ARHGEF40: variants seen among roughly 807,000 people sequenced by gnomAD.
ARHGEF40 encodes Rho guanine nucleotide exchange factor (GEF) 40.
A neutral mutation model predicts 165.9 loss-of-function variants in ARHGEF40; 98 were observed. The observed-to-expected ratio is 0.59, with a 90% CI of 0.50 to 0.70. The LOEUF (loss-of-function observed/expected upper bound fraction) is 0.70. Ranked by LOEUF, ARHGEF40 falls within the 30% of genes least tolerant of loss-of-function variation. ARHGEF40 has a pLI of 0.00. For missense variants in ARHGEF40, 1,815 were observed against 1,968.0 expected (o/e 0.92, Z 1.47); for synonymous variants, 792 against 814.3 (o/e 0.97, Z 0.47).
In ARHGEF40 at chr14:21,070,999, G is replaced by T. The variant is rs942941762; in HGVS notation, c.3+600G>T. On this transcript the variant is annotated intron_variant, in intron 1 of 23. Coordinates refer to ENST00000298694, the MANE Select transcript of ARHGEF40 (RefSeq NM_018071.5). The surrounding 1 kb of genome is among the most constrained non-coding windows in gnomAD (Gnocchi z 4.7). ...GCCTCAGGATAGTTGGGGGTGCTTG[G>T]GGGGGAGCTCACAGTACCAGGGGGC... 1.7e-5 allele frequency: 14 copies of T among 825,450 alleles called. No homozygotes were observed. Among genetic ancestry groups the T allele is most frequent in the South Asian group, 6.4e-5 (4 of 62,726 alleles). The allele number at this position is 825,450 out of a possible 1,614,324, so 51.1% of individuals were successfully genotyped here. A position where few individuals can be genotyped will look rare whatever the true frequency, so the allele number is the denominator to read the frequency against.
the ARHGEF40 span, among the ~76,000 whole-genome samples, chr14:21,064,820 C>G: frequency 1.3e-5 from 2 of 152,216 alleles, no homozygotes; most frequent in Admixed American, 1.3e-4. Flanking sequence ...TTCCTCCAGA[C>G]TCTTCTACTA....
At position 21,076,854 on chromosome 14, in the gene ARHGEF40, G is replaced by A; in HGVS notation, c.1998G>A (p.Arg666=). ...TGCAGTGGGAGTTAGGAGGTCACAGGGACCCCTCTCCCAGTCACTGGGTAG... is the reference window on the plus strand; with the variant it reads ...TGCAGTGGGAGTTAGGAGGTCACAGAGACCCCTCTCCCAGTCACTGGGTAG... The part of the protein sequence containing the change: ...EELQWELGGH[R]DPSPSHWVEI... Residue 666 remains arginine (R), a synonymous_variant, in exon 8 of 24, where the codon AGG becomes AGA. Transcript: ENST00000298694. The A allele has an allele frequency of 1.2e-6, 2 of 1,613,628 alleles. No individual in the cohort carries two copies. Among genetic ancestry groups the A allele is most frequent in the African/African-American group, 1.3e-5 (1 of 74,976 alleles).
At position 21,089,145 on chromosome 14, in the gene ARHGEF40, C is replaced by T. The variant is rs1034033327; in HGVS notation, c.*137C>T. The T allele has an allele frequency of 2.1e-5, 9 of 435,570 alleles. No homozygotes were observed. The highest frequency in any genetic ancestry group is 6.0e-4 in the Middle Eastern group (1 of 1,668). The allele number at this position is 435,570 out of a possible 1,614,324, so 27.0% of individuals were successfully genotyped here. A position where few individuals can be genotyped will look rare whatever the true frequency, so the allele number is the denominator to read the frequency against. ...CTTCCTGGACACAGAGGAGGTCTAA[C>T]GACCAGAGTATTGCCCTGCCACCAC... On this transcript the variant is annotated 3_prime_UTR_variant, in exon 24 of 24. Transcript: ENST00000298694.
chr14:21,068,925 G>C (rs1215754561), upstream of ARHGEF40, among the ~76,000 whole-genome samples: 1 of 152,228 alleles, frequency 6.6e-6, no homozygotes, highest in Admixed American at 6.5e-5. Context: ...TCACCTTGGC[G>C]GCACCCCCGC....
At chr14:21,078,094 T>A in intron 8 of ARHGEF40, 83 bp from the exon 9 acceptor site, 1 of 1,275,238 alleles carries the variant, frequency 7.8e-7, no homozygotes, top group Non-Finnish European at 1.1e-6. Flanking sequence ...TAAAAGTCTC[T>A]GGGGCTACCG....
In ARHGEF40 at chr14:21,088,823, C is replaced by A. The variant is rs1161535733; in HGVS notation, c.4519-7C>A. On this transcript the variant is annotated splice_region_variant and splice_polypyrimidine_tract_variant and intron_variant, in intron 22 of 23. Transcript: ENST00000298694. Reference sequence around the variant, plus strand: ...CCCTAAATTCACTGTAGCTTCTCTCCCCCCAGAGTCATGCTCGAGCCCTGA... The same window carrying A: ...CCCTAAATTCACTGTAGCTTCTCTCACCCCAGAGTCATGCTCGAGCCCTGA... 1.9e-6 allele frequency: 3 copies of A among 1,608,246 alleles called. No homozygotes were observed. Among genetic ancestry groups the A allele is most frequent in the Non-Finnish European group, 2.5e-6 (3 of 1,176,548 alleles).
At chr14:21,085,492 G>C (rs1177827360) in intron 18 of ARHGEF40, among the ~76,000 whole-genome samples, 197 bp from the exon 19 acceptor site, 1 of 152,256 alleles carries the variant, frequency 6.6e-6, no homozygotes, top group Non-Finnish European at 1.5e-5. Context: ...GTTGCTTCAT[G>C]TTTCTGGCCT....
In ARHGEF40 at chr14:21,080,783, G is replaced by C; in HGVS notation, c.2496+1G>C. On this transcript the variant is annotated splice_donor_variant, in intron 12 of 23. Coordinates refer to ENST00000298694, the MANE Select transcript of ARHGEF40 (RefSeq NM_018071.5). LOFTEE classifies it high-confidence loss of function. The stretch of plus-strand genomic sequence containing the variant: ...CCGTGCTTTCAGCGCTGAGGTCCAG[G>C]TGAGAAGGGGCTGGAGGGCAGGTGA... The C allele has an allele frequency of 6.2e-7, 1 of 1,605,806 alleles. No homozygotes were observed. Among genetic ancestry groups the C allele is most frequent in the South Asian group, 1.1e-5 (1 of 90,086 alleles).
chr14:21,070,665 A>C lies in ARHGEF40; in HGVS notation c.3+266A>C, dbSNP rs1886693817. Among the ~76,000 whole-genome samples the C allele has an allele frequency of 6.8e-6, 1 of 146,432 alleles. No individual in the cohort carries two copies. Among genetic ancestry groups the C allele is most frequent in the Non-Finnish European group, 1.5e-5 (1 of 66,368 alleles). Reference sequence around the variant, plus strand: ...CCCTTGGGTCTCTCCCCTAATCCACACACCTCCCCGCTCCCCGCCCTCCTC... The same window carrying C: ...CCCTTGGGTCTCTCCCCTAATCCACCCACCTCCCCGCTCCCCGCCCTCCTC... On this transcript the variant is annotated intron_variant, in intron 1 of 23. Coordinates refer to ENST00000298694, the MANE Select transcript of ARHGEF40 (RefSeq NM_018071.5). The surrounding 1 kb of genome is among the most constrained non-coding windows in gnomAD (Gnocchi z 4.7).
intron 5 of ARHGEF40, 23 bp from the exon 6 acceptor site, chr14:21,076,337 C>T (rs200187872): frequency 2.7e-4 from 436 of 1,607,282 alleles, no homozygotes; most frequent in Non-Finnish European, 3.4e-4. Flanking sequence ...CAGCAGCCTC[C>T]TTGGCTCTTC....
chr14:21,076,689 G>A (rs756602113), intron 7 of ARHGEF40, 46 bp downstream of exon 7: 2 of 1,594,742 alleles, frequency 1.3e-6, no homozygotes, highest in Admixed American at 3.3e-5. Context: ...GTAGTGGGGA[G>A]AGGAGAAGAG....
At chr14:21,069,843 G>A (rs893978861), upstream of ARHGEF40, among the ~76,000 whole-genome samples, 4 of 152,254 alleles carry the variant, frequency 2.6e-5, no homozygotes, top group African/African-American at 9.6e-5. Flanking sequence ...GAGAGAAGAG[G>A]ATCCCGGGCG....
At chr14:21,064,836 A>C in the ARHGEF40 span, among the ~76,000 whole-genome samples, 1 of 152,188 alleles carries the variant, frequency 6.6e-6, no homozygotes. Context: ...TACTACAATA[A>C]GCCTACATCT....
rs563198829 is a variant in ARHGEF40, at chr14:21,089,818, T to A, written c.*810T>A. The A allele has an allele frequency of 3.8e-5, 6 of 156,554 alleles. No individual in the cohort carries two copies. The highest frequency in any genetic ancestry group is 1.4e-4 in the African/African-American group (6 of 41,604). The allele number at this position is 156,554 out of a possible 1,614,324, so 9.7% of individuals were successfully genotyped here. On this transcript the variant is annotated 3_prime_UTR_variant, in exon 24 of 24. Coordinates refer to ENST00000298694, the MANE Select transcript of ARHGEF40 (RefSeq NM_018071.5). ...GAGGCTGAACTGGTCACAGACAAAC[T>A]GGGATCCAGCACAGTCCAGCAGTTC...
chr14:21,084,838 T>C lies in ARHGEF40; in HGVS notation c.3875T>C (p.Phe1292Ser). ...CGAAAGAAGTGCCTTCGCCATGTCT[T>C]TCTCTTCGAGCATCTCCTCCTGTTC... Reference protein sequence around the residue: ...CGRKKCLRHVFLFEHLLLFSK... With the variant: ...CGRKKCLRHVSLFEHLLLFSK... Residue 1292 changes from phenylalanine to serine, a missense_variant, in exon 18 of 24, where the codon TTT (phenylalanine) becomes TCT (serine). Phe to Ser is a radical substitution (Grantham distance 155). Transcript: ENST00000298694. 6.2e-7 allele frequency: 1 copy of C among 1,614,236 alleles called. No homozygotes were observed. Among genetic ancestry groups the C allele is most frequent in the Non-Finnish European group, 8.5e-7 (1 of 1,180,036 alleles).
In ARHGEF40 at chr14:21,081,596, C is replaced by T. The variant is rs1214802711; in HGVS notation, c.2728C>T (p.Arg910Trp). The change falls in exon 14 of 24, where the codon CGG (arginine) becomes TGG (tryptophan). Residue 910 changes from arginine (R) to tryptophan (W), a missense_variant. Coordinates refer to ENST00000298694, the MANE Select transcript of ARHGEF40 (RefSeq NM_018071.5). Reference sequence around the variant, plus strand: ...TGTGCTGGCTGCACTGGCCCTGCGGCGGGCCCCAGAGCCCAGTGCCGGCAC... The same window carrying T: ...TGTGCTGGCTGCACTGGCCCTGCGGTGGGCCCCAGAGCCCAGTGCCGGCAC... The part of the protein sequence containing the change: ...EAVLAALALR[R>W]APEPSAGTFQ... 5 of 1,611,502 alleles carry T rather than the reference C, an allele frequency of 3.1e-6. No individual in the cohort carries two copies. The highest frequency in any genetic ancestry group is 1.7e-4 in the Middle Eastern group (1 of 6,024).
intron 1 of ARHGEF40, among the ~76,000 whole-genome samples, chr14:21,071,849 T>TG (rs1886927860): frequency 6.6e-6 from 1 of 152,136 alleles, no homozygotes; most frequent in African/African-American, 2.4e-5. Flanking sequence ...CCACACACCT[T>TG]GGGGCCGGGT....
rs1887175369 is a variant in ARHGEF40, at chr14:21,073,873, C to A, written c.202-59C>A. The A allele has an allele frequency of 1.9e-6, 3 of 1,540,812 alleles. No homozygotes were observed. Among genetic ancestry groups the A allele is most frequent in the Non-Finnish European group, 2.6e-6 (3 of 1,146,984 alleles). ...CCTAGGGTGGGCCCATTCTAACTGC[C>A]CTCTCCTGCTGGTTTCTTCAGCAGA... is the stretch of plus-strand genomic sequence containing the variant. On this transcript the variant is annotated intron_variant, in intron 2 of 23. Transcript: ENST00000298694. This position sits in a 1 kb window ranked among gnomAD's most constrained non-coding sequence, Gnocchi z 4.6.
At chr14:21,083,760 C>A in intron 16 of ARHGEF40, 75 bp from the exon 17 acceptor site, 1 of 1,407,360 alleles carries the variant, frequency 7.1e-7, no homozygotes. Flanking sequence ...TATCACCCAC[C>A]TACCCCCCAA....
Sources: gnomAD v4.1 joint callset for allele counts (sites outside exome capture counted in the v4.1 genomes callset) on GRCh38, gnomAD v4.1.1 for gene constraint, Gnocchi (gnomAD v3.1) non-coding constraint, MANE v1.5 for transcripts, NCBI Gene and HGNC (gene_info 2026-07-23, HGNC 2026-07-21) for gene names.